PSMA1: variants seen among roughly 807,000 people sequenced by gnomAD.
The protein encoded by PSMA1 is proteasome 20S subunit alpha 1.
Under a neutral mutation model 38.4 loss-of-function variants are expected in PSMA1, and 3 were observed. The ratio of observed to expected loss-of-function variants is 0.08; its 90% CI spans 0.04 to 0.20. The LOEUF (loss-of-function observed/expected upper bound fraction) is 0.20, where lower values mean the gene tolerates loss of function less well. PSMA1 is among the 10% of genes least tolerant of loss of function. The pLI, the probability that PSMA1 is intolerant of heterozygous loss-of-function variation, is 1.00. For missense variants in PSMA1, 227 were observed against 325.3 expected, an observed-to-expected ratio of 0.70 and a Z score of 2.32; for synonymous variants, 101 against 107.1, an observed-to-expected ratio of 0.94 and a Z score of 0.35.
intron 2 of PSMA1, among the ~76,000 whole-genome samples, chr11:14,600,553 G>T (rs1852567755): frequency 6.6e-6 from 1 of 152,222 alleles, no homozygotes; most frequent in Admixed American, 6.5e-5. Context: ...GCCGAGCCAG[G>T]CACGGAAGAG....
intron 2 of PSMA1, among the ~76,000 whole-genome samples, chr11:14,549,032 A>G (rs1197650771): frequency 6.6e-6 from 1 of 152,230 alleles, no homozygotes. Flanking sequence ...ATTTTTTTAA[A>G]AAGCCCTGAT....
intron 2 of PSMA1, among the ~76,000 whole-genome samples, chr11:14,526,217 T>C (rs1038133898): frequency 1.3e-5 from 2 of 152,130 alleles, no homozygotes; most frequent in African/African-American, 2.4e-5. Context: ...AAAACCATTA[T>C]ATAAACTCAC....
At chr11:14,574,545 A>C (rs1404128657) in intron 2 of PSMA1, among the ~76,000 whole-genome samples, 1 of 152,184 alleles carries the variant, frequency 6.6e-6, no homozygotes, top group Non-Finnish European at 1.5e-5. Flanking sequence ...CTTGAATGGT[A>C]GTTCCCATAA....
intron 8 of PSMA1, among the ~76,000 whole-genome samples, chr11:14,510,047 C>A (rs1237625612): frequency 6.6e-6 from 1 of 152,218 alleles, no homozygotes; most frequent in Non-Finnish European, 1.5e-5. Flanking sequence ...AAATGCCAAA[C>A]AGAGTGACTG....
intron 2 of PSMA1, among the ~76,000 whole-genome samples, chr11:14,580,731 T>C (rs1325282026): frequency 6.6e-6 from 1 of 152,204 alleles, no homozygotes; most frequent in Non-Finnish European, 1.5e-5. Context: ...ATCTTAAGCC[T>C]GTCAGACTGG....
intron 2 of PSMA1, among the ~76,000 whole-genome samples, chr11:14,539,482 G>GA (rs950746131): frequency 6.6e-6 from 1 of 151,336 alleles, no homozygotes; most frequent in African/African-American, 2.4e-5. Flanking sequence ...GCTCTTAAAG[G>GA]AAAAAAAGGA....
chr11:14,555,546 G>A (rs776709798), intron 2 of PSMA1, among the ~76,000 whole-genome samples: 2 of 152,118 alleles, frequency 1.3e-5, no homozygotes, highest in African/African-American at 2.4e-5. Flanking sequence ...ACAGTATTTT[G>A]CTCACTCTTC....
intron 2 of PSMA1, among the ~76,000 whole-genome samples, chr11:14,609,665 A>C (rs1852685583): frequency 6.6e-6 from 1 of 152,200 alleles, no homozygotes; most frequent in East Asian, 1.9e-4. Flanking sequence ...ATGCAAAAAC[A>C]GGAGGCAGGA....
intron 2 of PSMA1, among the ~76,000 whole-genome samples, chr11:14,550,951 T>C (rs1263675897): frequency 6.6e-6 from 1 of 152,120 alleles, no homozygotes; most frequent in African/African-American, 2.4e-5. Context: ...AGTGGGGAAA[T>C]GTCATGGACT....
At chr11:14,580,347 T>C (rs1852269987) in intron 2 of PSMA1, among the ~76,000 whole-genome samples, 1 of 152,194 alleles carries the variant, frequency 6.6e-6, no homozygotes, top group Non-Finnish European at 1.5e-5. Context: ...AACATGCTGT[T>C]CCATCTGCTT....
chr11:14,566,475 C>G (rs1323217796), intron 2 of PSMA1, among the ~76,000 whole-genome samples: 1 of 152,114 alleles, frequency 6.6e-6, no homozygotes, highest in Non-Finnish European at 1.5e-5. Context: ...TAAGTGGCCA[C>G]ATGTGATACC....
At chr11:14,541,860 A>C (rs1851776814) in intron 2 of PSMA1, among the ~76,000 whole-genome samples, 2 of 152,236 alleles carry the variant, frequency 1.3e-5, no homozygotes, top group Non-Finnish European at 2.9e-5. Context: ...CTTTCTGCAG[A>C]TATCCTATAG....
At chr11:14,584,209 G>A (rs1852313202) in intron 2 of PSMA1, among the ~76,000 whole-genome samples, 1 of 152,196 alleles carries the variant, frequency 6.6e-6, no homozygotes, top group Admixed American at 6.5e-5. Flanking sequence ...AAAAAGCGAT[G>A]CCTTCACTTT....
intron 2 of PSMA1, among the ~76,000 whole-genome samples, chr11:14,546,122 A>T (rs940109844): frequency 6.6e-6 from 1 of 150,562 alleles, no homozygotes; most frequent in Non-Finnish European, 1.5e-5. Flanking sequence ...CTTGTTACCT[A>T]ATTCTACCTT....
chr11:14,564,345 G>A (rs541863494), intron 2 of PSMA1, among the ~76,000 whole-genome samples: 104 of 152,114 alleles, frequency 6.8e-4, no homozygotes, highest in African/African-American at 2.4e-3. Flanking sequence ...ATTCTCTGGC[G>A]ATTCATCCAG....
At chr11:14,635,327 T>G (rs1853100453) in intron 1 of PSMA1, among the ~76,000 whole-genome samples, 1 of 152,188 alleles carries the variant, frequency 6.6e-6, no homozygotes. Context: ...TTATATAAGG[T>G]TTCTTGTTAT....
intron 2 of PSMA1, among the ~76,000 whole-genome samples, chr11:14,588,268 G>T (rs1852372301): frequency 6.6e-6 from 1 of 152,210 alleles, no homozygotes; most frequent in South Asian, 2.1e-4. Flanking sequence ...ATGAGGGAAA[G>T]AAGAATTTGG....
At chr11:14,643,007 G>A (rs1853237522) in intron 1 of PSMA1, among the ~76,000 whole-genome samples, 1 of 152,064 alleles carries the variant, frequency 6.6e-6, no homozygotes, top group African/African-American at 2.4e-5. Flanking sequence ...GGGGATACAA[G>A]TTGTGAACCG....
chr11:14,628,213 T>C (rs1378562797), intron 1 of PSMA1, among the ~76,000 whole-genome samples: 1 of 151,656 alleles, frequency 6.6e-6, no homozygotes, highest in African/African-American at 2.4e-5. Context: ...CACGTGCACA[T>C]TGTGCAGGTT....
Sources: gnomAD v4.1 joint callset for allele counts (sites outside exome capture counted in the v4.1 genomes callset) on GRCh38, gnomAD v4.1.1 for gene constraint, MANE v1.5 for transcripts, NCBI Gene and HGNC (gene_info 2026-07-23, HGNC 2026-07-21) for gene names.